Variants in JAZF1 observed in about 807,000 individuals in gnomAD.
The protein encoded by JAZF1 is JAZF zinc finger 1.
A neutral mutation model predicts 26.4 loss-of-function variants in JAZF1; 8 were observed. The observed-to-expected ratio is 0.30, with a 90% CI of 0.18 to 0.55. The LOEUF (loss-of-function observed/expected upper bound fraction) is 0.55, where lower values mean the gene tolerates loss of function less well. Among genes scored for constraint, JAZF1 ranks in the 20% least tolerant of loss-of-function variants. JAZF1 has a pLI of 0.94. For missense variants in JAZF1, 199 were observed against 322.0 expected (o/e 0.62, Z 2.92); for synonymous variants, 126 against 122.3 (o/e 1.03, Z -0.20).
chr7:28,087,741 A>G (rs1784232772), intron 1 of JAZF1, among the ~76,000 whole-genome samples: 1 of 152,206 alleles, frequency 6.6e-6, no homozygotes, highest in Admixed American at 6.5e-5. Flanking sequence ...CAAAATTCCT[A>G]ATCAGGAAGA....
intron 1 of JAZF1, among the ~76,000 whole-genome samples, chr7:28,094,516 A>G (rs2127924041): frequency 6.6e-6 from 1 of 152,274 alleles, no homozygotes; most frequent in Non-Finnish European, 1.5e-5. Flanking sequence ...CTGACACATC[A>G]GCTAACTTTT....
chr7:28,042,668 C>T (rs571632504), intron 1 of JAZF1, among the ~76,000 whole-genome samples: 46 of 152,218 alleles, frequency 3.0e-4, no homozygotes, highest in Non-Finnish European at 3.7e-4. Flanking sequence ...GGAACACTTA[C>T]GTGATGGTGG....
chr7:27,882,663 T>C (rs1343222583), intron 3 of JAZF1, among the ~76,000 whole-genome samples: 1 of 152,178 alleles, frequency 6.6e-6, no homozygotes, highest in African/African-American at 2.4e-5. Flanking sequence ...CATTCTCAGT[T>C]TTCTGCAGGT....
intron 2 of JAZF1, among the ~76,000 whole-genome samples, chr7:27,919,411 T>C (rs1562529126): frequency 6.6e-6 from 1 of 152,184 alleles, no homozygotes; most frequent in Non-Finnish European, 1.5e-5. Flanking sequence ...TCATTCATGC[T>C]AAAACCTGTG....
intron 1 of JAZF1, among the ~76,000 whole-genome samples, chr7:28,130,282 G>T (rs1179600691): frequency 6.6e-6 from 1 of 151,998 alleles, no homozygotes; most frequent in Non-Finnish European, 1.5e-5. Context: ...GGAGCTAAAA[G>T]ACTCTACTGG....
chr7:27,974,839 G>C (rs1210491351), intron 2 of JAZF1, among the ~76,000 whole-genome samples: 1 of 151,808 alleles, frequency 6.6e-6, no homozygotes, highest in African/African-American at 2.4e-5. Flanking sequence ...TGCAGGCTGT[G>C]TAAGTATGGT....
At chr7:27,990,709 C>T (rs1046859790) in intron 2 of JAZF1, among the ~76,000 whole-genome samples, 2 of 152,112 alleles carry the variant, frequency 1.3e-5, no homozygotes, top group Non-Finnish European at 2.9e-5. Context: ...ATTCATATAA[C>T]TTCAATATAT....
intron 1 of JAZF1, among the ~76,000 whole-genome samples, chr7:28,092,421 C>T (rs1022412374): frequency 4.1e-5 from 6 of 147,996 alleles, no homozygotes; most frequent in South Asian, 2.2e-4. Context: ...TTAAAATACA[C>T]GGTTGGACTG....
intron 3 of JAZF1, among the ~76,000 whole-genome samples, chr7:27,885,350 A>G (rs747418548): frequency 6.6e-6 from 1 of 152,224 alleles, no homozygotes; most frequent in East Asian, 1.9e-4. Context: ...TCCACATTTA[A>G]AAGGGTTATT....
chr7:28,127,205 T>C (rs371815457), intron 1 of JAZF1, among the ~76,000 whole-genome samples: 2 of 152,232 alleles, frequency 1.3e-5, no homozygotes, highest in African/African-American at 4.8e-5. Flanking sequence ...AGACCCTTCC[T>C]GCAGAGCATC....
In JAZF1 at chr7:27,879,345, CA is replaced by C. The variant is rs1783730487; in HGVS notation, c.385+15874del. On this transcript the variant is annotated intron_variant, in intron 3 of 4. Coordinates refer to ENST00000283928, the MANE Select transcript of JAZF1 (RefSeq NM_175061.4). ...TCATGGCGCCAGGATGAAGCTAAGTCAACTGGCCCACATGAGAATTAAACCC... is the reference window on the plus strand; with the variant it reads ...TCATGGCGCCAGGATGAAGCTAAGTCACTGGCCCACATGAGAATTAAACCC... Among the ~76,000 whole-genome samples the C allele has an allele frequency of 2.6e-5, 4 of 152,264 alleles. No individual in the cohort carries two copies. In the South Asian group the frequency reaches 8.3e-4, roughly 32 times the overall value.
chr7:28,024,316 G>A (rs1424905500), intron 1 of JAZF1, among the ~76,000 whole-genome samples: 1 of 151,918 alleles, frequency 6.6e-6, no homozygotes, highest in Non-Finnish European at 1.5e-5. Context: ...CAAAGAGAGA[G>A]AGAGAGATGT....
At chr7:28,157,255 G>A (rs1309767621) in intron 1 of JAZF1, among the ~76,000 whole-genome samples, 2 of 152,238 alleles carry the variant, frequency 1.3e-5, no homozygotes, top group Non-Finnish European at 2.9e-5. Flanking sequence ...AAAGTGAGAG[G>A]AGGCTGGCCT....
intron 1 of JAZF1, among the ~76,000 whole-genome samples, chr7:28,013,875 C>G (rs1480132885): frequency 6.6e-6 from 1 of 152,100 alleles, no homozygotes; most frequent in East Asian, 1.9e-4. Flanking sequence ...CACTACTATT[C>G]AGAATTAGGG....
At chr7:27,868,541 C>T (rs149098729) in intron 3 of JAZF1, among the ~76,000 whole-genome samples, 17 of 152,324 alleles carry the variant, frequency 1.1e-4, no homozygotes, top group African/African-American at 4.1e-4. Flanking sequence ...TGCCCTGCCC[C>T]AGCCTATCTA....
intron 2 of JAZF1, among the ~76,000 whole-genome samples, chr7:27,896,811 C>G (rs1165789265): frequency 6.6e-6 from 1 of 152,108 alleles, no homozygotes; most frequent in Non-Finnish European, 1.5e-5. Context: ...CAATATAATC[C>G]AGATATATAA....
At position 28,022,858 on chromosome 7, in the gene JAZF1, G is replaced by C. The variant is rs76830005; in HGVS notation, c.116-30877C>G. On this transcript the variant is annotated intron_variant, in intron 1 of 4. Transcript: ENST00000283928. ...TGCAACCTCCGCTGCCCAGGTTCAA[G>C]TGATTCTCGTGTCTCAGCCTCCCGA... Among the ~76,000 whole-genome samples the C allele has an allele frequency of 0.025, 3,830 of 152,284 alleles. 312 individuals carry two copies. In the East Asian group the frequency reaches 0.32, roughly 13 times the overall value.
intron 3 of JAZF1, among the ~76,000 whole-genome samples, chr7:27,891,138 T>C (rs544682055): frequency 1.3e-5 from 2 of 152,344 alleles, no homozygotes; most frequent in Non-Finnish European, 2.9e-5. Flanking sequence ...CTTAACACTT[T>C]ATTTTCAGAT....
At chr7:27,899,727 A>C (rs534399998) in intron 2 of JAZF1, among the ~76,000 whole-genome samples, 21 of 152,178 alleles carry the variant, frequency 1.4e-4, no homozygotes, top group Admixed American at 3.9e-4. Flanking sequence ...CGCCTGACTC[A>C]CTTGGGTTTT....
Sources: allele counts gnomAD v4.1 joint callset (sites outside exome capture counted in the v4.1 genomes callset), GRCh38; gene constraint gnomAD v4.1.1; transcripts MANE v1.5; gene names NCBI Gene and HGNC (gene_info 2026-07-23, HGNC 2026-07-21).